The following TRIM37 variants were observed in gnomAD, a reference collection of about 807,000 sequenced individuals.
TRIM37 encodes the protein E3 ubiquitin-protein ligase TRIM37.
A neutral mutation model predicts 129.8 loss-of-function variants in TRIM37; 80 were observed. That is an observed-to-expected ratio of 0.62 (90% CI 0.51 to 0.74). The LOEUF (loss-of-function observed/expected upper bound fraction) is 0.74. TRIM37 is among the 30% of genes least tolerant of loss of function. The probability of loss-of-function intolerance (pLI) is 0.00; values close to 1 mark genes in which losing one functional copy is unlikely to be tolerated. For synonymous variants in TRIM37, 389 were observed against 387.1 expected (o/e 1.00, Z -0.06); for missense variants, 1,054 against 1,176.5 (o/e 0.90, Z 1.52).
intron 16 of TRIM37, among the ~76,000 whole-genome samples, chr17:59,042,680 T>C (rs77300234): frequency 6.7e-6 from 1 of 149,960 alleles, no homozygotes; most frequent in African/African-American, 2.5e-5. Flanking sequence ...GCAGAATCGG[T>C]TGAACCCGGG....
At position 59,070,955 on chromosome 17, in the gene TRIM37, A is replaced by G. The variant is rs1430237285; in HGVS notation, c.685-8T>C. 1 of 1,613,276 alleles carries G rather than the reference A, an allele frequency of 6.2e-7. No homozygotes were observed. Among genetic ancestry groups the G allele is most frequent in the South Asian group, 1.1e-5 (1 of 90,742 alleles). On this transcript the variant is annotated splice_polypyrimidine_tract_variant and splice_region_variant and intron_variant, in intron 8 of 23. Coordinates refer to ENST00000262294, the MANE Select transcript of TRIM37 (RefSeq NM_015294.6). Reference sequence around the variant, plus strand: ...CTTACTACAAGACCGCAACTGTGTGAGGAAAAAAATTATCTGAACAAACAA... The same window carrying G: ...CTTACTACAAGACCGCAACTGTGTGGGGAAAAAAATTATCTGAACAAACAA...
chr17:59,036,447 G>GGGGGTGTGT (rs1555656622), intron 17 of TRIM37, among the ~76,000 whole-genome samples: 1 of 140,582 alleles, frequency 7.1e-6, no homozygotes. Context: ...ATTTGCTGGG[G>GGGGGTGTGT]GTGTGTGTGT....
chr17:59,025,279 A>G (rs530668257), intron 19 of TRIM37, among the ~76,000 whole-genome samples: 10 of 152,192 alleles, frequency 6.6e-5, no homozygotes, highest in African/African-American at 2.4e-4. Context: ...AAGTTAGAAA[A>G]CAAAAAGTAC....
rs760474976 is a variant in TRIM37, at chr17:59,028,610, T to C, written c.2062A>G (p.Met688Val). ...LKTQMAEVRC[M>V]KTDVKNTLSE... Reference sequence around the variant, plus strand: ...AGTGTATTCTTTACATCAGTTTTCATACATCGAACTTCGGCCATTTGAGTT... The same window carrying C: ...AGTGTATTCTTTACATCAGTTTTCACACATCGAACTTCGGCCATTTGAGTT... Residue 688 changes from methionine (M) to valine (V), a missense_variant, in exon 19 of 24, where the codon ATG becomes GTG. Transcript: ENST00000262294. 8.7e-6 allele frequency: 14 copies of C among 1,614,132 alleles called. No homozygotes were observed. The highest frequency in any genetic ancestry group is 5.0e-5 in the Admixed American group (3 of 60,010).
At chr17:59,025,492 T>C (rs2037150689) in intron 19 of TRIM37, among the ~76,000 whole-genome samples, 1 of 151,952 alleles carries the variant, frequency 6.6e-6, no homozygotes, top group African/African-American at 2.4e-5. Context: ...TTTAAAACTC[T>C]GTGATTAGCA....
At chr17:59,104,487 T>C in intron 1 of TRIM37, 93 bp from the exon 2 acceptor site, 3 of 1,121,002 alleles carry the variant, frequency 2.7e-6, no homozygotes, top group Non-Finnish European at 4.1e-6. Context: ...TTACATTTAT[T>C]TTGGGCTGAT....
intron 16 of TRIM37, among the ~76,000 whole-genome samples, chr17:59,046,907 C>T (rs1222235197): frequency 6.6e-6 from 1 of 150,696 alleles, no homozygotes; most frequent in East Asian, 2.0e-4. Context: ...GTAATCCCAA[C>T]ACTTTGGGAG....
At chr17:59,092,127 T>C (rs963786038) in intron 2 of TRIM37, among the ~76,000 whole-genome samples, 4 of 152,116 alleles carry the variant, frequency 2.6e-5, no homozygotes, top group Non-Finnish European at 5.9e-5. Flanking sequence ...GCACGGTGTC[T>C]CACGCCTGTA....
At chr17:59,012,567 C>A in intron 21 of TRIM37, 121 bp from the exon 22 acceptor site, 1 of 714,498 alleles carries the variant, frequency 1.4e-6, no homozygotes, top group Non-Finnish European at 2.4e-6. Flanking sequence ...TACTAAATTT[C>A]AAATTTTATC....
At chr17:59,061,756 A>C (rs2041513857) in intron 11 of TRIM37, among the ~76,000 whole-genome samples, 1 of 152,128 alleles carries the variant, frequency 6.6e-6, no homozygotes, top group South Asian at 2.1e-4. Flanking sequence ...ACTTGTTTAA[A>C]CATCTGTTCC....
intron 2 of TRIM37, 116 bp from the exon 3 acceptor site, chr17:59,091,456 T>C (rs1225344267): frequency 1.0e-5 from 2 of 190,758 alleles, no homozygotes; most frequent in Non-Finnish European, 2.1e-5. Flanking sequence ...ATATAATATA[T>C]AAATATATAA....
At position 59,047,746 on chromosome 17, in the gene TRIM37, C is replaced by G. The variant is rs1404154659; in HGVS notation, c.1604G>C (p.Ser535Thr). The G allele has an allele frequency of 6.2e-7, 1 of 1,613,958 alleles. No individual in the cohort carries two copies. The highest frequency in any genetic ancestry group is 2.2e-5 in the East Asian group (1 of 44,900). Residue 535 changes from serine to threonine, a missense_variant, in exon 16 of 24, where the codon AGT becomes ACT. Around this residue, in one of 3 missense-constraint regions of TRIM37, gnomAD observed 752 missense variants for 870.8 expected, o/e 0.86. Coordinates refer to ENST00000262294, the MANE Select transcript of TRIM37 (RefSeq NM_015294.6). Reference sequence around the variant, plus strand: ...TGTTGCTGTGGAACTAGCAGAGGAACTGCTGCCATCGAGCTGATTTACTTC... The same window carrying G: ...TGTTGCTGTGGAACTAGCAGAGGAAGTGCTGCCATCGAGCTGATTTACTTC... Reference protein sequence around the residue: ...EDEVNQLDGSSSSASSTATSN... With the variant: ...EDEVNQLDGSTSSASSTATSN...
At chr17:59,032,570 C>G (rs904239527) in intron 17 of TRIM37, among the ~76,000 whole-genome samples, 1 of 148,302 alleles carries the variant, frequency 6.7e-6, no homozygotes, top group Non-Finnish European at 1.5e-5. Flanking sequence ...AGGAACCAGA[C>G]AGTTGTACAT....
At chr17:58,996,485 A>C (rs1226791140), downstream of TRIM37, among the ~76,000 whole-genome samples, 1 of 151,506 alleles carries the variant, frequency 6.6e-6, no homozygotes, top group Non-Finnish European at 1.5e-5. Context: ...AAAAAAAAAA[A>C]AAATCAGTAT....
In TRIM37 at chr17:59,031,911, G is replaced by A. The variant is rs1289944606; in HGVS notation, c.1933C>T (p.Leu645Phe). Residue 645 changes from leucine (L) to phenylalanine (F), a missense_variant, in exon 18 of 24, where the codon CTT (leucine) becomes TTT (phenylalanine). Leu to Phe is a conservative substitution (Grantham distance 22). This residue lies in a region of TRIM37 where 752 missense variants were observed against 870.8 expected (regional missense o/e 0.86). Transcript: ENST00000262294. ...ATTATTTTACCTGTGGGCTGCAGAA[G>A]TGAAGCAGGTGGGCGAGGCTGTAAG... ...WGLQPRPPAS[L>F]LQPTASYSRK... 1.2e-6 allele frequency: 2 copies of A among 1,614,054 alleles called. No homozygotes were observed. Among genetic ancestry groups the A allele is most frequent in the Admixed American group, 1.7e-5 (1 of 60,006 alleles).
chr17:59,034,047 C>T (rs2038185196), intron 17 of TRIM37, among the ~76,000 whole-genome samples: 1 of 150,940 alleles, frequency 6.6e-6, no homozygotes, highest in Admixed American at 6.6e-5. Context: ...GCAGAGGTTA[C>T]AGTGAGCCAA....
intron 18 of TRIM37, among the ~76,000 whole-genome samples, chr17:59,030,810 G>A (rs2037762890): frequency 6.6e-6 from 1 of 152,142 alleles, no homozygotes; most frequent in African/African-American, 2.4e-5. Context: ...CAAGTTTAAA[G>A]GATATAGATA....
chr17:59,021,987 TA>T (rs1336421745), intron 19 of TRIM37, among the ~76,000 whole-genome samples: 1 of 152,188 alleles, frequency 6.6e-6, no homozygotes, highest in Non-Finnish European at 1.5e-5. Context: ...GTTAAAGTTC[TA>T]ACTCTGAGTT....
In TRIM37 at chr17:59,028,698, G is replaced by A; in HGVS notation, c.1974C>T (p.Asp658=). ...PTASYSRKDK[D]QRKQQAMWRV... is the part of the protein sequence containing the mutation. The stretch of plus-strand genomic sequence containing the variant: ...GCCACATTGCCTGTTGCTTCCTTTG[G>A]TCTTTATCTTTTCGAGAATATGATG... Residue 658 remains aspartate, a synonymous_variant, in exon 19 of 24, where the codon GAC becomes GAT. Coordinates refer to ENST00000262294, the MANE Select transcript of TRIM37 (RefSeq NM_015294.6). 6.2e-7 allele frequency: 1 copy of A among 1,614,086 alleles called. No homozygotes were observed. Among genetic ancestry groups the A allele is most frequent in the South Asian group, 1.1e-5 (1 of 91,078 alleles).
Sources: allele counts gnomAD v4.1 joint callset (sites outside exome capture counted in the v4.1 genomes callset), GRCh38; gene constraint gnomAD v4.1.1; regional missense constraint gnomAD v4.1.1; transcripts MANE v1.5; gene names NCBI Gene and HGNC (gene_info 2026-07-23, HGNC 2026-07-21).